Variants in TRPM1 observed in about 807,000 individuals in gnomAD.
The protein encoded by TRPM1 is TRPM1-203 APA Isoform, Intron 10.
In TRPM1, 113 loss-of-function variants were observed where a neutral mutation model predicts 149.4. The ratio of observed to expected loss-of-function variants is 0.76; its 90% CI spans 0.65 to 0.88. The LOEUF is 0.88. Ranked by LOEUF, TRPM1 falls within the 40% of genes least tolerant of loss-of-function variation. TRPM1 has a pLI of 0.00. For synonymous variants in TRPM1, 741 were observed against 759.5 expected, an observed-to-expected ratio of 0.98 and a Z score of 0.40; for missense variants, 1,976 against 2,038.7, an observed-to-expected ratio of 0.97 and a Z score of 0.59.
At chr15:31,086,628 C>A (rs1224052904) in intron 1 of TRPM1, among the ~76,000 whole-genome samples, 2 of 152,188 alleles carry the variant, frequency 1.3e-5, no homozygotes, top group African/African-American at 4.8e-5. Flanking sequence ...TGAGTGGAGC[C>A]AGCACTCCTC....
chr15:31,087,435 T>C (rs971890050), intron 1 of TRPM1, among the ~76,000 whole-genome samples: 2 of 151,666 alleles, frequency 1.3e-5, no homozygotes, highest in African/African-American at 4.9e-5. Flanking sequence ...TGTGTATTTT[T>C]AGTAGAGACG....
rs531339577 is a variant in TRPM1 at position 31,040,767 on chromosome 15, G to T, written c.2088-421C>A. Among the ~76,000 whole-genome samples, 1 of 152,306 alleles carries T rather than the reference G, an allele frequency of 6.6e-6. No homozygotes were observed. The highest frequency in any genetic ancestry group is 1.9e-4 in the East Asian group (1 of 5,192). On this transcript the variant is annotated intron_variant, in intron 17 of 27. Coordinates refer to ENST00000256552, the MANE Select transcript of TRPM1 (RefSeq NM_001252024.2). This position sits in a 1 kb window ranked among gnomAD's most constrained non-coding sequence, Gnocchi z 4.2. The stretch of plus-strand genomic sequence containing the variant: ...CGGGGCTGCTGGTGGTGGTGGTGGC[G>T]GGAGGTGGACACTGAAAGGAGTCAC...
In TRPM1 at chr15:31,041,953, G is replaced by A. The variant is rs749198278; in HGVS notation, c.2085C>T (p.Ser695=). Residue 695 remains serine, a splice_region_variant and synonymous_variant, in exon 17 of 28, where the codon TCC becomes TCT. Coordinates refer to ENST00000256552, the MANE Select transcript of TRPM1 (RefSeq NM_001252024.2). Reference sequence around the variant, plus strand: ...TTAAATCCCCGCTAGACACTAACTTGGAATTGTTATCCAAGTCCTGGGAGA... The same window carrying A: ...TTAAATCCCCGCTAGACACTAACTTAGAATTGTTATCCAAGTCCTGGGAGA... The part of the protein sequence containing the change: ...DDISQDLDNN[S]KDFGQLALEL... 1.7e-5 allele frequency: 27 copies of A among 1,613,982 alleles called. No individual in the cohort carries two copies. Among genetic ancestry groups the A allele is most frequent in the Non-Finnish European group, 2.1e-5 (25 of 1,180,042 alleles).
chr15:31,065,992 T>C, intron 7 of TRPM1, 84 bp downstream of exon 7: 5 of 1,514,330 alleles, frequency 3.3e-6, no homozygotes, highest in Non-Finnish European at 4.5e-6. Flanking sequence ...TCTAATCCCC[T>C]TGGGCAATCA....
intron 27 of TRPM1, among the ~76,000 whole-genome samples, chr15:31,004,256 G>A (rs889894668): frequency 9.2e-5 from 14 of 151,718 alleles, no homozygotes; most frequent in African/African-American, 2.9e-4. Flanking sequence ...GTCCTCACTC[G>A]TACTGCTGGC....
rs1343131915 is a variant in TRPM1 at position 31,001,812 on chromosome 15, A to C, written c.*10T>G. ...ACTGTTAAAAAAAAAAATTAAAGAA[A>C]CAAAACAGACTAGCATTCAGTTTCT... On this transcript the variant is annotated 3_prime_UTR_variant, in exon 28 of 28. Coordinates refer to ENST00000256552, the MANE Select transcript of TRPM1 (RefSeq NM_001252024.2). 1.9e-6 allele frequency: 3 copies of C among 1,606,924 alleles called. No homozygotes were observed. In the Admixed American group the frequency reaches 5.0e-5, roughly 27 times the overall value.
chr15:31,109,837 C>T (rs1408305255), intron 1 of TRPM1, among the ~76,000 whole-genome samples: 1 of 152,066 alleles, frequency 6.6e-6, no homozygotes, highest in Non-Finnish European at 1.5e-5. Context: ...GGGAAACATC[C>T]TGTGAGCTGG....
intron 1 of TRPM1, among the ~76,000 whole-genome samples, chr15:31,115,600 C>T (rs1421898282): frequency 6.6e-6 from 1 of 151,996 alleles, no homozygotes; most frequent in Non-Finnish European, 1.5e-5. Flanking sequence ...TCTTAGGGTA[C>T]CCCTCACACT....
rs541872713 is a variant in TRPM1 at position 31,061,522 on chromosome 15, T to C, written c.1090-8A>G. 5.0e-6 allele frequency: 8 copies of C among 1,613,922 alleles called. No individual in the cohort carries two copies. The African/African-American group carries it at 5.3e-5, about 11-fold the overall frequency. On this transcript the variant is annotated splice_region_variant and splice_polypyrimidine_tract_variant and intron_variant, in intron 9 of 27. Transcript: ENST00000256552. ...CATTCTGAACACAGTGACCTGAAAA[T>C]GTGAAAAGACTGAATTAAAGCCAAG...
chr15:31,020,517 T>C (rs2032518948), intron 27 of TRPM1, among the ~76,000 whole-genome samples: 1 of 152,220 alleles, frequency 6.6e-6, no homozygotes, highest in East Asian at 1.9e-4. Context: ...CAAAGCCATG[T>C]TATCTAATTT....
upstream of TRPM1, chr15:31,101,848 G>A (rs2035524250): frequency 2.3e-6 from 1 of 440,370 alleles, no homozygotes; most frequent in Non-Finnish European, 3.0e-6. Flanking sequence ...TCCCAGGCCA[G>A]AAAAGGAAGC....
At chr15:31,124,654 C>CAAAAAAAAAAAAAAAAAAAAACAAAAAA (rs57964365) in intron 1 of TRPM1, among the ~76,000 whole-genome samples, 1 of 86,416 alleles carries the variant, frequency 1.2e-5, no homozygotes, top group Admixed American at 1.3e-4. Context: ...GACTCTGTCT[C>CAAAAAAAAAAAAAAAAAAAAACAAAAAA]AAAAAAAAAA....
chr15:31,112,677 G>A (rs191805017), intron 1 of TRPM1, among the ~76,000 whole-genome samples: 1 of 152,048 alleles, frequency 6.6e-6, no homozygotes, highest in Non-Finnish European at 1.5e-5. Context: ...AGAGTACTGC[G>A]TCTGCCCAAA....
At chr15:31,019,359 C>T (rs1310922758) in intron 27 of TRPM1, among the ~76,000 whole-genome samples, 1 of 151,924 alleles carries the variant, frequency 6.6e-6, no homozygotes, top group East Asian at 1.9e-4. Flanking sequence ...GTGTGAAAGA[C>T]TAAATGAAGA....
In TRPM1 at chr15:31,026,374, C is replaced by T. The variant is rs1329480499; in HGVS notation, c.3497-103G>A. The T allele has an allele frequency of 7.1e-6, 10 of 1,408,990 alleles. No homozygotes were observed. In the South Asian group the frequency reaches 7.3e-5, roughly 10 times the overall value. 87.3% of individuals were successfully genotyped at this position (1,408,990 alleles called of 1,614,324 possible). On this transcript the variant is annotated intron_variant, in intron 26 of 27. Coordinates refer to ENST00000256552, the MANE Select transcript of TRPM1 (RefSeq NM_001252024.2). The stretch of plus-strand genomic sequence containing the variant: ...CCCACTTTAATTAAGCTCTCTTCTC[C>T]GCCACTCCTAAGGCAGTTCGCCACT...
chr15:31,003,397 T>C (rs767878512), intron 27 of TRPM1, among the ~76,000 whole-genome samples: 3 of 152,364 alleles, frequency 2.0e-5, no homozygotes, highest in Admixed American at 1.3e-4. Flanking sequence ...AGTAGGTCTA[T>C]TATTATCATC....
intron 1 of TRPM1, among the ~76,000 whole-genome samples, chr15:31,088,698 T>G (rs542785491): frequency 2.6e-5 from 4 of 151,774 alleles, no homozygotes; most frequent in Non-Finnish European, 4.4e-5. Context: ...TTTTGGGATT[T>G]GGGGGCCGTC....
chr15:31,121,367 C>T (rs2035877104), intron 1 of TRPM1, among the ~76,000 whole-genome samples: 1 of 149,520 alleles, frequency 6.7e-6, no homozygotes, highest in Non-Finnish European at 1.5e-5. Flanking sequence ...AAATTAAAAA[C>T]AGGAAATCAG....
chr15:31,067,339 A>G (rs1050976153), intron 5 of TRPM1, 152 bp from the exon 6 acceptor site: 2 of 1,214,990 alleles, frequency 1.6e-6, no homozygotes, highest in Non-Finnish European at 1.2e-6. Context: ...AAGTACACTG[A>G]AAGTCTGAGC....
Sources: allele counts gnomAD v4.1 joint callset (sites outside exome capture counted in the v4.1 genomes callset), GRCh38; gene constraint gnomAD v4.1.1; non-coding constraint Gnocchi (gnomAD v3.1); transcripts MANE v1.5; gene names NCBI Gene and HGNC (gene_info 2026-07-23, HGNC 2026-07-21).